The following UGT1A10 variants were observed in gnomAD, a reference collection of about 807,000 sequenced individuals.
The protein encoded by UGT1A10 is UDP glucuronosyltransferase family 1 member A10, also known as UDP-glucuronosyltransferase 1A10.
Under a neutral mutation model 45.8 loss-of-function variants are expected in UGT1A10, and 49 were observed. The observed-to-expected ratio is 1.07, with a 90% CI of 0.85 to 1.36. The LOEUF (loss-of-function observed/expected upper bound fraction) is 1.36, where lower values mean the gene tolerates loss of function less well. Among genes scored for constraint, UGT1A10 ranks in the 40% most tolerant of loss-of-function variants. The probability of loss-of-function intolerance (pLI) is 0.00; values close to 1 mark genes in which losing one functional copy is unlikely to be tolerated. For synonymous variants in UGT1A10, 284 were observed against 249.7 expected (o/e 1.14, Z -1.29); for missense variants, 745 against 668.6 (o/e 1.11, Z -1.26).
chr2:233,670,914 T>G (rs1476054879), intron 1 of UGT1A10, among the ~76,000 whole-genome samples: 2 of 152,218 alleles, frequency 1.3e-5, no homozygotes. Flanking sequence ...CGAGGCCTTC[T>G]TGTACAACAA....
intron 1 of UGT1A10, among the ~76,000 whole-genome samples, chr2:233,736,694 G>T (rs2078793950): frequency 6.6e-6 from 1 of 152,122 alleles, no homozygotes; most frequent in South Asian, 2.1e-4. Context: ...CCTACAGATG[G>T]GGTTTTGGTG....
chr2:233,713,196 A>C (rs775448281), intron 1 of UGT1A10: 1 of 1,614,238 alleles, frequency 6.2e-7, no homozygotes, highest in Non-Finnish European at 8.5e-7. Flanking sequence ...GAATATGTAC[A>C]TCAAAGAAGA....
intron 1 of UGT1A10, chr2:233,755,344 A>T (rs1575735285): frequency 1.5e-5 from 6 of 413,752 alleles, no homozygotes; most frequent in Non-Finnish European, 2.1e-5. Context: ...CACAGGTCAG[A>T]GGCTTGGCGA....
At chr2:233,638,716 A>G (rs1157746545) in intron 1 of UGT1A10, among the ~76,000 whole-genome samples, 1 of 152,164 alleles carries the variant, frequency 6.6e-6, no homozygotes, top group African/African-American at 2.4e-5. Context: ...GGTTTCTTAC[A>G]AGATTCAGTA....
At chr2:233,711,952 C>T (rs2076206674) in intron 1 of UGT1A10, among the ~76,000 whole-genome samples, 1 of 152,326 alleles carries the variant, frequency 6.6e-6, no homozygotes, top group African/African-American at 2.4e-5. Context: ...ACGTTTAATT[C>T]TCCATTTTGA....
intron 1 of UGT1A10, among the ~76,000 whole-genome samples, chr2:233,703,382 A>G (rs1384920463): frequency 6.6e-6 from 1 of 151,458 alleles, no homozygotes; most frequent in Non-Finnish European, 1.5e-5. Flanking sequence ...TTTTGTCTAT[A>G]TTTTCAAATA....
chr2:233,697,476 G>A (rs28900068), intron 1 of UGT1A10, among the ~76,000 whole-genome samples: 1,638 of 149,000 alleles, frequency 0.011, 39 homozygotes, highest in African/African-American at 0.038. Context: ...TCTTAGTCTA[G>A]CTCAAGGTTT....
chr2:233,758,631 T>C (rs1046720713), intron 1 of UGT1A10, among the ~76,000 whole-genome samples: 1 of 152,152 alleles, frequency 6.6e-6, no homozygotes, highest in Non-Finnish European at 1.5e-5. Context: ...AAGTACCTAC[T>C]CTAAGGAGAA....
intron 1 of UGT1A10, among the ~76,000 whole-genome samples, chr2:233,701,718 A>T (rs2075648818): frequency 6.6e-6 from 1 of 152,232 alleles, no homozygotes; most frequent in South Asian, 2.1e-4. Flanking sequence ...CTACATGGAA[A>T]CTGAACAACC....
chr2:233,773,128 A>G lies in UGT1A10; in HGVS notation c.*569A>G. On this transcript the variant is annotated 3_prime_UTR_variant, in exon 5 of 5. Transcript: ENST00000344644. ...TGATTTCTTGCTTTGGGGAAAAAGA[A>G]TGATGCTATGAAATTGGTGGGTGGT... The G allele has an allele frequency of 6.4e-6, 1 of 155,198 alleles. No homozygotes were observed. Among genetic ancestry groups the G allele is most frequent in the Non-Finnish European group, 1.4e-5 (1 of 69,704 alleles). 9.6% of individuals were successfully genotyped at this position (155,198 alleles called of 1,614,324 possible). A position where few individuals can be genotyped will look rare whatever the true frequency, so the allele number is the denominator to read the frequency against.
At chr2:233,754,970 G>T (rs1695665422) in intron 1 of UGT1A10, 1 of 1,301,498 alleles carries the variant, frequency 7.7e-7, no homozygotes, top group Non-Finnish European at 1.0e-6. Context: ...AGAACTCCCT[G>T]AAGACCTCGG....
chr2:233,765,207 A>G (rs1013371126), intron 1 of UGT1A10, among the ~76,000 whole-genome samples: 18 of 152,214 alleles, frequency 1.2e-4, no homozygotes, highest in Non-Finnish European at 1.5e-5. Context: ...TAGTGCCCTC[A>G]GTATTCTTTG....
intron 1 of UGT1A10, chr2:233,682,813 C>T (rs540122920): frequency 3.1e-5 from 50 of 1,593,566 alleles, no homozygotes; most frequent in Non-Finnish European, 4.1e-5. Context: ...TCCCCTTTAG[C>T]ACATTAAGAA....
chr2:233,755,285 A>G (rs1468695441), intron 1 of UGT1A10: 11 of 681,694 alleles, frequency 1.6e-5, no homozygotes, highest in Non-Finnish European at 2.3e-6. Context: ...ACTGCCAAAG[A>G]GCCTGCGGGG....
At position 233,769,913 on chromosome 2, in the gene UGT1A10, C is replaced by A. The variant is rs1699980310; in HGVS notation, c.1295+1474C>A. The A allele has an allele frequency of 6.7e-6, 2 of 297,578 alleles. No homozygotes were observed. The highest frequency in any genetic ancestry group is 2.1e-5 in the African/African-American group (1 of 46,750). The allele number at this position is 297,578 out of a possible 1,614,324, so 18.4% of individuals were successfully genotyped here. A position where few individuals can be genotyped will look rare whatever the true frequency, so the allele number is the denominator to read the frequency against. On this transcript the variant is annotated intron_variant, in intron 4 of 4. Coordinates refer to ENST00000344644, the MANE Select transcript of UGT1A10 (RefSeq NM_019075.4). This position sits in a 1 kb window ranked among gnomAD's most constrained non-coding sequence, Gnocchi z 4.4. ...TAACCTGAGCATCATGTGCCCAGAG[C>A]GTTGGGTGGTGTGGTCCCATTCCTT... is the stretch of plus-strand genomic sequence containing the variant.
At chr2:233,752,688 T>G (rs143415003) in intron 1 of UGT1A10, 1 of 152,282 alleles carries the variant, frequency 6.6e-6, no homozygotes, top group Non-Finnish European at 1.5e-5. Flanking sequence ...GAAATTCATG[T>G]TTACTAGTGG....
chr2:233,692,909 GA>G, intron 1 of UGT1A10: 1 of 1,555,664 alleles, frequency 6.4e-7, no homozygotes, highest in Non-Finnish European at 8.6e-7. Context: ...CAGGACCTGT[GA>G]AAAGCAGTGG....
chr2:233,726,305 A>G (rs1451221769), intron 1 of UGT1A10, among the ~76,000 whole-genome samples: 1 of 152,118 alleles, frequency 6.6e-6, no homozygotes, highest in African/African-American at 2.4e-5. Flanking sequence ...AGGTGGGAGG[A>G]TCATTGAGCT....
chr2:233,730,949 G>A (rs1036759717), intron 1 of UGT1A10, among the ~76,000 whole-genome samples: 16 of 152,150 alleles, frequency 1.1e-4, no homozygotes, highest in African/African-American at 1.4e-4. Flanking sequence ...TTTGGGTTTC[G>A]TTGAAATGGT....
Sources: gnomAD v4.1 joint callset for allele counts (sites outside exome capture counted in the v4.1 genomes callset) on GRCh38, gnomAD v4.1.1 for gene constraint, Gnocchi (gnomAD v3.1) non-coding constraint, MANE v1.5 for transcripts, NCBI Gene and HGNC (gene_info 2026-07-23, HGNC 2026-07-21) for gene names.